Variants in AGAP1 observed in about 807,000 individuals in gnomAD.
AGAP1 encodes the protein arf-GAP with GTPase, ANK repeat and PH domain-containing protein 1.
A neutral mutation model predicts 105.3 loss-of-function variants in AGAP1; 29 were observed. The observed-to-expected ratio is 0.28, with a 90% CI of 0.21 to 0.38. AGAP1 has a LOEUF of 0.38. Among genes scored for constraint, AGAP1 ranks in the 10% least tolerant of loss-of-function variants. The probability of loss-of-function intolerance (pLI) is 1.00; values close to 1 mark genes in which losing one functional copy is unlikely to be tolerated. For synonymous variants in AGAP1, 509 were observed against 485.9 expected (o/e 1.05, Z -0.63); for missense variants, 998 against 1,165.1 (o/e 0.86, Z 2.09).
chr2:235,605,836 C>T lies in AGAP1; in HGVS notation c.164-103343C>T, dbSNP rs560891550. Among the ~76,000 whole-genome samples the T allele has an allele frequency of 7.9e-5, 12 of 152,316 alleles. No homozygotes were observed. The South Asian group carries it at 1.7e-3, about 21-fold the overall frequency. ...CGATGAGTATAGAGGACGCGGTGTACGCCCTGTGTTGCCATGGCAACGCAG... is the reference window on the plus strand; with the variant it reads ...CGATGAGTATAGAGGACGCGGTGTATGCCCTGTGTTGCCATGGCAACGCAG... On this transcript the variant is annotated intron_variant, in intron 1 of 17. Coordinates refer to ENST00000304032, the MANE Select transcript of AGAP1 (RefSeq NM_001037131.3).
chr2:235,657,859 C>T (rs1381343539), intron 1 of AGAP1, among the ~76,000 whole-genome samples: 3 of 152,154 alleles, frequency 2.0e-5, no homozygotes, highest in Non-Finnish European at 4.4e-5. Context: ...GGCCCTAATC[C>T]AGTAAGACTG....
intron 16 of AGAP1, among the ~76,000 whole-genome samples, chr2:236,085,795 C>T (rs969819159): frequency 2.6e-5 from 4 of 152,250 alleles, no homozygotes; most frequent in East Asian, 1.9e-4. Flanking sequence ...CTCCATGGGC[C>T]GCCTCAGGAT....
intron 1 of AGAP1, among the ~76,000 whole-genome samples, chr2:235,702,934 G>GTGTTTTTTTGTTTTTTTTTTTT (rs1553609552): frequency 1.1e-5 from 1 of 88,946 alleles, no homozygotes; most frequent in Non-Finnish European, 2.2e-5. Context: ...AGTTTTCTTG[G>GTGTTTTTTTGTTTTTTTTTTTT]TTTTTTTTTT....
intron 6 of AGAP1, among the ~76,000 whole-genome samples, chr2:235,759,472 G>A (rs1285802506): frequency 6.6e-6 from 1 of 152,196 alleles, no homozygotes; most frequent in Non-Finnish European, 1.5e-5. Flanking sequence ...CCCGGCCCTG[G>A]CAGCTTCACA....
At chr2:235,584,619 C>CCAG (rs1246906684) in intron 1 of AGAP1, among the ~76,000 whole-genome samples, 1 of 151,754 alleles carries the variant, frequency 6.6e-6, no homozygotes, top group African/African-American at 2.4e-5. Context: ...ATCCCCTCCC[C>CCAG]CAGCCTTCAT....
At position 235,601,776 on chromosome 2, in the gene AGAP1, G is replaced by A. The variant is rs963553647; in HGVS notation, c.163+106927G>A. 1.3e-5 allele frequency among the ~76,000 whole-genome samples: 2 copies of A among 152,176 alleles called. No homozygotes were observed. Among genetic ancestry groups the A allele is most frequent in the African/African-American group, 4.8e-5 (2 of 41,434 alleles). On this transcript the variant is annotated intron_variant, in intron 1 of 17. Transcript: ENST00000304032. The surrounding 1 kb of genome is among the most constrained non-coding windows in gnomAD (Gnocchi z 4.4). ...GCGGGAGGATCACTGGAGGCCAGGA[G>A]TTTAAGACCAGCCTGGGCAACCTCT...
At chr2:235,671,269 TC>T (rs918113814) in intron 1 of AGAP1, among the ~76,000 whole-genome samples, 5 of 152,172 alleles carry the variant, frequency 3.3e-5, no homozygotes, top group Admixed American at 3.3e-4. Context: ...CTGGTGCCCC[TC>T]GGAGTCCACC....
intron 13 of AGAP1, among the ~76,000 whole-genome samples, chr2:236,022,683 C>T (rs778340031): frequency 1.3e-5 from 2 of 152,098 alleles, no homozygotes; most frequent in African/African-American, 4.8e-5. Flanking sequence ...TATAGGCACC[C>T]GCCACCACGC....
rs543344396 is a variant in AGAP1, at chr2:235,741,665, C to G, written c.396+617C>G. ...TATTTAACCTGCTTTGTTTTACTTA[C>G]AGCATAATTTACCAGTTAAGCACTT... On this transcript the variant is annotated intron_variant, in intron 4 of 17. Coordinates refer to ENST00000304032, the MANE Select transcript of AGAP1 (RefSeq NM_001037131.3). This position sits in a 1 kb window ranked among gnomAD's most constrained non-coding sequence, Gnocchi z 4.9. Among the ~76,000 whole-genome samples the G allele has an allele frequency of 6.6e-6, 1 of 152,128 alleles. No homozygotes were observed. Among genetic ancestry groups the G allele is most frequent in the South Asian group, 2.1e-4 (1 of 4,800 alleles).
intron 11 of AGAP1, among the ~76,000 whole-genome samples, chr2:235,918,489 A>T (rs555182830): frequency 1.3e-5 from 2 of 152,232 alleles, no homozygotes; most frequent in African/African-American, 4.8e-5. Context: ...TAAGAATTGC[A>T]GCATCTTCAG....
intron 1 of AGAP1, among the ~76,000 whole-genome samples, chr2:235,640,768 C>G (rs1947163296): frequency 6.6e-6 from 1 of 152,242 alleles, no homozygotes; most frequent in South Asian, 2.1e-4. Flanking sequence ...ACCCTTTGAA[C>G]TTCACTTTGC....
At chr2:235,558,876 C>G (rs2149131088) in intron 1 of AGAP1, among the ~76,000 whole-genome samples, 1 of 152,168 alleles carries the variant, frequency 6.6e-6, no homozygotes, top group East Asian at 1.9e-4. Flanking sequence ...ACCATAGCCT[C>G]AGACATGTCT....
At chr2:235,495,016 C>G (rs1180101418) in intron 1 of AGAP1, among the ~76,000 whole-genome samples, 167 bp downstream of exon 1, 5 of 152,048 alleles carry the variant, frequency 3.3e-5, no homozygotes, top group Non-Finnish European at 7.4e-5. Flanking sequence ...GGGCGAGCGT[C>G]GCCTGCGCCC....
At chr2:235,790,560 C>A (rs1457143575) in intron 6 of AGAP1, among the ~76,000 whole-genome samples, 1 of 152,172 alleles carries the variant, frequency 6.6e-6, no homozygotes, top group Non-Finnish European at 1.5e-5. Flanking sequence ...TAGATCTCTT[C>A]ACTTCTCTAT....
intron 11 of AGAP1, among the ~76,000 whole-genome samples, chr2:235,929,584 G>A (rs1013382089): frequency 1.3e-5 from 2 of 152,028 alleles, no homozygotes; most frequent in African/African-American, 4.8e-5. Context: ...TGTAGGGCTC[G>A]TACACTACGC....
intron 16 of AGAP1, among the ~76,000 whole-genome samples, chr2:236,093,223 G>T (rs1270188421): frequency 6.6e-6 from 1 of 152,062 alleles, no homozygotes; most frequent in African/African-American, 2.4e-5. Context: ...AAAATATTCC[G>T]CCTCAAGGTG....
At chr2:235,852,900 G>T in intron 9 of AGAP1, 1 of 1,328,100 alleles carries the variant, frequency 7.5e-7, no homozygotes. Context: ...CCGATAGCTT[G>T]CAGGCCGCTG....
In AGAP1 at chr2:236,116,329, G is replaced by A. The variant is rs922360538; in HGVS notation, c.2115-3863G>A. On this transcript the variant is annotated intron_variant, in intron 16 of 17. Transcript: ENST00000304032. The stretch of plus-strand genomic sequence containing the variant: ...GATTTTTTTTCCATAAGTTATTGGG[G>A]TACAGGTGGTATTTGGTTAATTAAG... Among the ~76,000 whole-genome samples the A allele has an allele frequency of 3.5e-4, 51 of 146,018 alleles. 1 individual carries two copies. The highest frequency in any genetic ancestry group is 9.3e-4 in the African/African-American group (37 of 39,674).
rs989233189 is a variant in AGAP1, at chr2:236,002,501, A to G, written c.1645+33878A>G. On this transcript the variant is annotated intron_variant, in intron 13 of 17. Transcript: ENST00000304032. The surrounding 1 kb of genome is among the most constrained non-coding windows in gnomAD (Gnocchi z 4.3). ...TTCTGACAAAAGAGACATGAAACAA[A>G]TATGTTAACAAGTAATGTTGCTCCC... 1.3e-5 allele frequency among the ~76,000 whole-genome samples: 2 copies of G among 152,220 alleles called. No individual in the cohort carries two copies. The highest frequency in any genetic ancestry group is 2.4e-5 in the African/African-American group (1 of 41,470).
Sources: allele counts gnomAD v4.1 joint callset (sites outside exome capture counted in the v4.1 genomes callset), GRCh38; gene constraint gnomAD v4.1.1; non-coding constraint Gnocchi (gnomAD v3.1); transcripts MANE v1.5; gene names NCBI Gene and HGNC (gene_info 2026-07-23, HGNC 2026-07-21).